The following CPAMD8 variants were observed in gnomAD, a reference collection of about 807,000 sequenced individuals.
CPAMD8 encodes C3 and PZP like alpha-2-macroglobulin domain containing 8, also known as C3 and PZP-like alpha-2-macroglobulin domain-containing protein 8.
In CPAMD8, 146 loss-of-function variants were observed where a neutral mutation model predicts 224.7. That is an observed-to-expected ratio of 0.65 (90% CI 0.57 to 0.75). The LOEUF (loss-of-function observed/expected upper bound fraction) is 0.75, where lower values mean the gene tolerates loss of function less well. CPAMD8 is among the 30% of genes least tolerant of loss of function. CPAMD8 has a pLI of 0.00. For synonymous variants in CPAMD8, 966 were observed against 1,044.6 expected (o/e 0.92, Z 1.45); for missense variants, 2,301 against 2,537.5 (o/e 0.91, Z 2.00).
At chr19:16,895,843 T>C (rs987088288) in intron 41 of CPAMD8, 3 of 500,548 alleles carry the variant, frequency 6.0e-6, no homozygotes, top group South Asian at 1.5e-5. Flanking sequence ...GAAACACTGC[T>C]GGTCCCCCCA....
chr19:16,983,453 A>C (rs2055587328), intron 13 of CPAMD8, among the ~76,000 whole-genome samples: 1 of 152,068 alleles, frequency 6.6e-6, no homozygotes, highest in African/African-American at 2.4e-5. Flanking sequence ...TTTCTTTATA[A>C]ATTACCCAGT....
At position 16,914,809 on chromosome 19, in the gene CPAMD8, T is replaced by C. The variant is rs1248613158; in HGVS notation, c.3634A>G (p.Thr1212Ala). Residue 1212 changes from threonine (T) to alanine (A), a missense_variant, in exon 28 of 42, where the codon ACA (threonine) becomes GCA (alanine). By Grantham distance (58) the Thr-to-Ala change is moderately conservative. Around this residue, in one of 4 missense-constraint regions of CPAMD8, gnomAD observed 1,709 missense variants for 1,753.2 expected, o/e 0.97. Coordinates refer to ENST00000443236, the MANE Select transcript of CPAMD8 (RefSeq NM_015692.5). ...ERDASGSMWLTAFVLKSFAQA... is the reference protein window; with the variant it reads ...ERDASGSMWLAAFVLKSFAQA... ...GCGAAGGACTTCAGGACAAAGGCTG[T>C]GAGCCTGAAAGAGGACAGGGTGTCA... 1.2e-6 allele frequency: 2 copies of C among 1,607,472 alleles called. No individual in the cohort carries two copies. The highest frequency in any genetic ancestry group is 1.7e-6 in the Non-Finnish European group (2 of 1,176,572).
intron 27 of CPAMD8, 91 bp from the exon 28 acceptor site, chr19:16,914,904 C>T (rs1206059332): frequency 2.3e-6 from 2 of 884,492 alleles, no homozygotes; most frequent in Admixed American, 2.6e-5. Flanking sequence ...CTGGCACCAC[C>T]CCCGGCCTCC....
intron 27 of CPAMD8, among the ~76,000 whole-genome samples, chr19:16,917,903 C>T (rs1370832035): frequency 6.6e-6 from 1 of 152,130 alleles, no homozygotes; most frequent in Non-Finnish European, 1.5e-5. Context: ...TCCAGGACCC[C>T]CAAGGATACC....
At chr19:16,964,160 G>A (rs2052885796) in intron 18 of CPAMD8, among the ~76,000 whole-genome samples, 2 of 152,288 alleles carry the variant, frequency 1.3e-5, no homozygotes, top group South Asian at 4.1e-4. Context: ...AAATTCAAAA[G>A]CTAGCAGAAG....
At chr19:17,022,309 A>G in intron 1 of CPAMD8, 128 bp from the exon 2 acceptor site, 1 of 1,029,406 alleles carries the variant, frequency 9.7e-7, no homozygotes, top group Non-Finnish European at 1.4e-6. Flanking sequence ...GCTGGCATTG[A>G]TGCTCTAGGA....
intron 22 of CPAMD8, among the ~76,000 whole-genome samples, chr19:16,940,149 T>C (rs975619640): frequency 1.3e-5 from 2 of 152,148 alleles, no homozygotes; most frequent in African/African-American, 4.8e-5. Flanking sequence ...TGACCTCAGG[T>C]GATCTGCCTG....
At chr19:16,951,014 G>A (rs1400994856) in intron 20 of CPAMD8, among the ~76,000 whole-genome samples, 1 of 152,088 alleles carries the variant, frequency 6.6e-6, no homozygotes, top group Non-Finnish European at 1.5e-5. Context: ...CCGCCTCCAA[G>A]AGAGAGCTTT....
At chr19:16,954,414 T>C (rs1257332018) in intron 19 of CPAMD8, among the ~76,000 whole-genome samples, 2 of 151,818 alleles carry the variant, frequency 1.3e-5, no homozygotes, top group South Asian at 2.1e-4. Context: ...CCTGGTACAC[T>C]GTTAGTAGAA....
intron 23 of CPAMD8, among the ~76,000 whole-genome samples, chr19:16,931,723 C>A (rs553799041): frequency 6.6e-6 from 1 of 152,290 alleles, no homozygotes; most frequent in Admixed American, 6.5e-5. Flanking sequence ...AACACTGGGA[C>A]CTGAGGACAG....
Position 16,914,579 on chromosome 19 carries a change from A to T in CPAMD8, c.3786+78T>A. The T allele has an allele frequency of 7.4e-6, 12 of 1,610,992 alleles. No individual in the cohort carries two copies. The South Asian group carries it at 1.3e-4, about 18-fold the overall frequency. ...CCACTTCCCCCAGGCAGCTCCAGGG[A>T]GTAGGAACAGGCAGGTCAGGGCTGG... On this transcript the variant is annotated intron_variant, in intron 28 of 41. Transcript: ENST00000443236.
chr19:16,907,379 G>C (rs1186214036), intron 29 of CPAMD8: 3 of 244,374 alleles, frequency 1.2e-5, no homozygotes, highest in African/African-American at 7.1e-5. Context: ...AGGCCAAGGT[G>C]GGTGGATCAC....
chr19:16,915,873 TTCTC>T (rs907279994), intron 27 of CPAMD8, among the ~76,000 whole-genome samples: 9 of 150,884 alleles, frequency 6.0e-5, no homozygotes, highest in African/African-American at 2.2e-4. Context: ...CCTTTCTTCT[TTCTC>T]TCTTTTCTTT....
At chr19:16,966,198 A>C (rs2054822520) in intron 18 of CPAMD8, among the ~76,000 whole-genome samples, 1 of 152,240 alleles carries the variant, frequency 6.6e-6, no homozygotes, top group East Asian at 1.9e-4. Context: ...CGCATCTACA[A>C]CCATCTGATC....
chr19:16,975,370 A>C, intron 16 of CPAMD8, 112 bp from the exon 17 acceptor site: 1 of 812,538 alleles, frequency 1.2e-6, no homozygotes, highest in Non-Finnish European at 2.0e-6. Context: ...CGTCATGACA[A>C]CCTCCAGGAG....
At position 17,009,095 on chromosome 19, in the gene CPAMD8, TC is replaced by T. The variant is rs544756218; in HGVS notation, c.504+207del. The T allele has an allele frequency of 0.011, 7,023 of 665,026 alleles. 290 individuals are homozygous for T. In the African/African-American group the frequency reaches 0.13, roughly 12 times the overall value. The allele number at this position is 665,026 out of a possible 1,614,324, so 41.2% of individuals were successfully genotyped here. On this transcript the variant is annotated intron_variant, in intron 6 of 41. Coordinates refer to ENST00000443236, the MANE Select transcript of CPAMD8 (RefSeq NM_015692.5). The stretch of plus-strand genomic sequence containing the variant: ...CTGGGTGATAGAGCGAGACTCCATT[TC>T]AAAAAAAAAAAGGAAACGGACAGAC...
rs2056583891 is a variant in CPAMD8 at position 17,009,308 on chromosome 19, T to TGTAG, written c.495_498dup (p.Ile167LeufsTer44). ...GAAGGACAGAGGCCACTCACCAGGA[T>TGTAG]GTAGGCTTCCAGCTGTAATGAAGAC... On this transcript the variant is annotated frameshift_variant, in exon 6 of 42. Coordinates refer to ENST00000443236, the MANE Select transcript of CPAMD8 (RefSeq NM_015692.5). LOFTEE classifies it high-confidence loss of function. 6.2e-7 allele frequency: 1 copy of TGTAG among 1,613,974 alleles called. No individual in the cohort carries two copies. Among genetic ancestry groups the TGTAG allele is most frequent in the Non-Finnish European group, 8.5e-7 (1 of 1,179,970 alleles).
At chr19:16,997,081 C>A (rs749237941) in intron 11 of CPAMD8, 30 bp downstream of exon 11, 1 of 1,420,120 alleles carries the variant, frequency 7.0e-7, no homozygotes, top group Admixed American at 1.7e-5. Context: ...GGTCCTTGGG[C>A]GGGAGGCAGC....
At chr19:16,950,702 G>T (rs926039194) in intron 20 of CPAMD8, among the ~76,000 whole-genome samples, 8 of 151,294 alleles carry the variant, frequency 5.3e-5, no homozygotes, top group Non-Finnish European at 1.0e-4. Flanking sequence ...CTGAGGAGGG[G>T]GGATTGCTTG....
Sources: gnomAD v4.1 joint callset for allele counts (sites outside exome capture counted in the v4.1 genomes callset) on GRCh38, gnomAD v4.1.1 for gene constraint, gnomAD v4.1.1 regional missense constraint, MANE v1.5 for transcripts, NCBI Gene and HGNC (gene_info 2026-07-23, HGNC 2026-07-21) for gene names.